The following PARP8 variants were observed in gnomAD, a reference collection of about 807,000 sequenced individuals.
PARP8 encodes the protein protein mono-ADP-ribosyltransferase PARP8.
PARP8 carries 51 observed loss-of-function variants against 124.1 expected under a neutral mutation model. The observed-to-expected ratio is 0.41, with a 90% CI of 0.33 to 0.52. PARP8 has a LOEUF of 0.52. PARP8 is among the 20% of genes least tolerant of loss of function. The probability of loss-of-function intolerance (pLI) is 0.21; values close to 1 mark genes in which losing one functional copy is unlikely to be tolerated. For missense variants in PARP8, 860 were observed against 1,018.9 expected (o/e 0.84, Z 2.12); for synonymous variants, 391 against 361.5 (o/e 1.08, Z -0.93).
chr5:50,755,208 T>G (rs1384032174), intron 3 of PARP8, among the ~76,000 whole-genome samples: 1 of 152,086 alleles, frequency 6.6e-6, no homozygotes, highest in Middle Eastern at 3.2e-3. Flanking sequence ...GCCAATCTTG[T>G]CTTTTGTTGC....
chr5:50,838,778 A>T (rs1747859067), intron 25 of PARP8, among the ~76,000 whole-genome samples: 1 of 151,970 alleles, frequency 6.6e-6, no homozygotes, highest in African/African-American at 2.4e-5. Context: ...GTTTCTTTAA[A>T]ACAACTTGGA....
chr5:50,706,706 A>G (rs1354888575), intron 2 of PARP8, among the ~76,000 whole-genome samples: 2 of 152,122 alleles, frequency 1.3e-5, no homozygotes, highest in South Asian at 4.1e-4. Context: ...TATAGTACAC[A>G]TAAGCACACA....
chr5:50,806,585 G>A (rs1409561110), intron 14 of PARP8, among the ~76,000 whole-genome samples: 2 of 151,962 alleles, frequency 1.3e-5, no homozygotes, highest in Non-Finnish European at 2.9e-5. Flanking sequence ...TATTGTTGCT[G>A]TGATGCAGAC....
intron 2 of PARP8, among the ~76,000 whole-genome samples, chr5:50,676,161 G>T (rs1750613021): frequency 6.6e-6 from 1 of 152,206 alleles, no homozygotes; most frequent in Admixed American, 6.5e-5. Flanking sequence ...CAGATCTGGA[G>T]TATCTCAAAA....
chr5:50,819,570 A>T (rs1178648695), intron 15 of PARP8, among the ~76,000 whole-genome samples: 1 of 150,714 alleles, frequency 6.6e-6, no homozygotes, highest in Non-Finnish European at 1.5e-5. Flanking sequence ...CCACCCGAGT[A>T]GCTGGCGCTG....
chr5:50,775,017 G>A (rs1332145354), intron 7 of PARP8, among the ~76,000 whole-genome samples: 9 of 147,838 alleles, frequency 6.1e-5, no homozygotes, highest in African/African-American at 7.5e-5. Context: ...AGGCAGAGAC[G>A]CTCCTCACTT....
chr5:50,670,389 C>T (rs1450189867), intron 2 of PARP8, among the ~76,000 whole-genome samples: 1 of 152,054 alleles, frequency 6.6e-6, no homozygotes, highest in Non-Finnish European at 1.5e-5. Flanking sequence ...CTTACTATAC[C>T]GTTTTCTTTT....
At chr5:50,744,909 A>T (rs1358061776) in intron 2 of PARP8, 1 of 617,338 alleles carries the variant, frequency 1.6e-6, no homozygotes, top group African/African-American at 1.8e-5. Context: ...TGTACAGCAC[A>T]TACTAACAGT....
intron 17 of PARP8, 95 bp downstream of exon 17, chr5:50,822,495 A>G: frequency 1.0e-6 from 1 of 958,512 alleles, no homozygotes; most frequent in Non-Finnish European, 1.6e-6. Flanking sequence ...AATACATATC[A>G]TTTAAAAATT....
chr5:50,835,244 A>G (rs1249127342), intron 25 of PARP8, among the ~76,000 whole-genome samples: 1 of 151,944 alleles, frequency 6.6e-6, no homozygotes, highest in African/African-American at 2.4e-5. Flanking sequence ...ACTTACAACT[A>G]AAAAAAACAC....
intron 9 of PARP8, among the ~76,000 whole-genome samples, chr5:50,782,291 G>T (rs1255190562): frequency 6.6e-6 from 1 of 152,094 alleles, no homozygotes; most frequent in Non-Finnish European, 1.5e-5. Flanking sequence ...CAAGTTTCTG[G>T]TCTTTTCACT....
chr5:50,819,427 C>CTTTTTTTTTTTTTTTT (rs34347134), intron 15 of PARP8, among the ~76,000 whole-genome samples: 4 of 46,652 alleles, frequency 8.6e-5, no homozygotes, highest in African/African-American at 3.8e-4. Flanking sequence ...ATTTTATCTT[C>CTTTTTTTTTTTTTTTT]TTTTTTTTTT....
At chr5:50,741,939 G>T in intron 2 of PARP8, 1 of 409,840 alleles carries the variant, frequency 2.4e-6, no homozygotes, top group South Asian at 1.7e-5. Context: ...CCTTCTACTA[G>T]CTGGCATTAC....
At chr5:50,672,959 A>G (rs181829580) in intron 2 of PARP8, among the ~76,000 whole-genome samples, 1 of 152,324 alleles carries the variant, frequency 6.6e-6, no homozygotes, top group Non-Finnish European at 1.5e-5. Flanking sequence ...CTTGGCATAT[A>G]CAGTTACTTT....
chr5:50,788,689 C>A, intron 10 of PARP8, 100 bp downstream of exon 10: 2 of 960,044 alleles, frequency 2.1e-6, no homozygotes, highest in Non-Finnish European at 3.2e-6. Flanking sequence ...TCAGTAAGAA[C>A]TTTTTGAAGC....
chr5:50,818,657 G>A (rs551007732), intron 15 of PARP8, among the ~76,000 whole-genome samples: 3 of 151,934 alleles, frequency 2.0e-5, no homozygotes, highest in East Asian at 3.9e-4. Flanking sequence ...GGGATTACAG[G>A]CCTGAGCCAC....
chr5:50,812,052 T>C (rs1370740488), intron 14 of PARP8, among the ~76,000 whole-genome samples: 5 of 152,234 alleles, frequency 3.3e-5, no homozygotes, highest in African/African-American at 1.2e-4. Flanking sequence ...TAAACATACA[T>C]GTGCATGTGT....
chr5:50,802,516 T>C (rs1275600242), intron 14 of PARP8, among the ~76,000 whole-genome samples: 1 of 151,884 alleles, frequency 6.6e-6, no homozygotes, highest in Non-Finnish European at 1.5e-5. Context: ...AGAGATGGGG[T>C]TTCACTATGT....
chr5:50,775,810 T>C (rs1168042181), intron 7 of PARP8, among the ~76,000 whole-genome samples: 3 of 152,032 alleles, frequency 2.0e-5, no homozygotes, highest in African/African-American at 7.2e-5. Flanking sequence ...GCCTTTAGAG[T>C]TTTTTATATA....
Sources: gnomAD v4.1 joint callset for allele counts (sites outside exome capture counted in the v4.1 genomes callset) on GRCh38, gnomAD v4.1.1 for gene constraint, MANE v1.5 for transcripts, NCBI Gene and HGNC (gene_info 2026-07-23, HGNC 2026-07-21) for gene names.